The following C8orf76 variants were observed in gnomAD, a reference collection of about 807,000 sequenced individuals.
C8orf76 encodes chromosome 8 open reading frame 76.
C8orf76 carries 46 observed loss-of-function variants against 38.1 expected under a neutral mutation model. The observed-to-expected ratio is 1.21, with a 90% confidence interval of 0.95 to 1.54. The LOEUF (loss-of-function observed/expected upper bound fraction) is 1.54. Ranked by LOEUF, C8orf76 falls within the 40% of genes most tolerant of loss-of-function variation. The pLI is 0.00. For synonymous variants in C8orf76, 166 were observed against 167.5 expected, an observed-to-expected ratio of 0.99 and a Z score of 0.07; for missense variants, 461 against 441.6, an observed-to-expected ratio of 1.04 and a Z score of -0.39.
chr8:123,226,662 C>G, intron 4 of C8orf76, 30 bp from the exon 5 acceptor site: 1 of 1,571,172 alleles, frequency 6.4e-7, no homozygotes, highest in Non-Finnish European at 8.6e-7. Flanking sequence ...CAATGCGTGG[C>G]GAAAAGTCCC....
intron 5 of C8orf76, among the ~76,000 whole-genome samples, chr8:123,221,226 A>G (rs1374357889): frequency 1.3e-5 from 2 of 152,238 alleles, no homozygotes; most frequent in East Asian, 1.9e-4. Context: ...GGCAACAGTC[A>G]GTATTTACTA....
Position 123,237,900 on chromosome 8 carries a change from T to G in C8orf76, c.255A>C (p.Ser85=). 2 of 1,614,058 alleles carry G rather than the reference T, an allele frequency of 1.2e-6. No homozygotes were observed. Among genetic ancestry groups the G allele is most frequent in the Admixed American group, 1.7e-5 (1 of 60,006 alleles). ...QEYSSISEKL[S]STNFAMKRDV... Reference sequence around the variant, plus strand: ...CCCTTTTCATGGCAAAATTGGTTGATGACAATTTTTCAGAGATACTGGAAT... The same window carrying G: ...CCCTTTTCATGGCAAAATTGGTTGAGGACAATTTTTCAGAGATACTGGAAT... The change falls in exon 3 of 6, where the codon TCA becomes TCC. Residue 85 remains serine, a synonymous_variant. Transcript: ENST00000276704.
chr8:123,240,116 C>T (rs1469128072), intron 1 of C8orf76: 1 of 152,706 alleles, frequency 6.5e-6, no homozygotes, highest in African/African-American at 2.4e-5. Flanking sequence ...CCCACGATAA[C>T]TCTGTGAGCC....
At chr8:123,222,301 T>C (rs1409163411) in intron 5 of C8orf76, among the ~76,000 whole-genome samples, 1 of 152,258 alleles carries the variant, frequency 6.6e-6, no homozygotes, top group African/African-American at 2.4e-5. Flanking sequence ...TATTTTTCTT[T>C]TAGTGACACA....
intron 3 of C8orf76, 43 bp downstream of exon 3, chr8:123,237,755 C>T: frequency 1.9e-6 from 3 of 1,596,826 alleles, no homozygotes; most frequent in Non-Finnish European, 8.5e-7. Context: ...ATTCGACCAC[C>T]CTTATAGGAA....
chr8:123,234,169 T>G (rs1825377789), intron 3 of C8orf76, among the ~76,000 whole-genome samples: 1 of 152,222 alleles, frequency 6.6e-6, no homozygotes, highest in Non-Finnish European at 1.5e-5. Flanking sequence ...AGTGTTTTCC[T>G]CATTTAATCC....
At chr8:123,238,584 A>G (rs1387811162) in intron 2 of C8orf76, 1 of 157,756 alleles carries the variant, frequency 6.3e-6, no homozygotes, top group Non-Finnish European at 1.4e-5. Context: ...CAAATATACT[A>G]GGCTTTGAAT....
chr8:123,238,037 TA>T, intron 2 of C8orf76, 96 bp from the exon 3 acceptor site: 1 of 1,386,302 alleles, frequency 7.2e-7, no homozygotes, highest in Non-Finnish European at 9.7e-7. Context: ...AGGTGGAAAG[TA>T]ATGTTATAAC....
At position 123,231,658 on chromosome 8, in the gene C8orf76, G is replaced by A; in HGVS notation, c.457C>T (p.Leu153=). ...LQNLEKTIFC[L]QKLISLHPFN... Reference sequence around the variant, plus strand: ...GGATGCAAAGAAATCAGTTTCTGCAGGCAGAAAATTGTTTTCTCCAAGTTC... The same window carrying A: ...GGATGCAAAGAAATCAGTTTCTGCAAGCAGAAAATTGTTTTCTCCAAGTTC... Residue 153 remains leucine, a synonymous_variant, in exon 4 of 6, where the codon CTG becomes TTG. Coordinates refer to ENST00000276704, the MANE Select transcript of C8orf76 (RefSeq NM_032847.3). 1 of 1,614,086 alleles carries A rather than the reference G, an allele frequency of 6.2e-7. No individual in the cohort carries two copies. The highest frequency in any genetic ancestry group is 8.5e-7 in the Non-Finnish European group (1 of 1,180,042).
intron 2 of C8orf76, 39 bp from the exon 3 acceptor site, chr8:123,237,980 A>C: frequency 1.3e-6 from 2 of 1,590,706 alleles, no homozygotes; most frequent in South Asian, 1.1e-5. Flanking sequence ...GAAAGGAGGA[A>C]AACATAACAG....
intron 5 of C8orf76, 147 bp downstream of exon 5, chr8:123,226,353 G>A: frequency 6.7e-7 from 1 of 1,482,224 alleles, no homozygotes; most frequent in Non-Finnish European, 8.9e-7. Flanking sequence ...CCGCCTTGGT[G>A]ATTGCTGAGT....
intron 4 of C8orf76, 111 bp downstream of exon 4, chr8:123,231,189 A>T: frequency 7.3e-7 from 1 of 1,368,834 alleles, no homozygotes; most frequent in Non-Finnish European, 9.7e-7. Flanking sequence ...GGAAAATTTC[A>T]AAAATATATA....
chr8:123,237,789 A>G lies in C8orf76; in HGVS notation c.357+9T>C, dbSNP rs373385614. On this transcript the variant is annotated intron_variant, in intron 3 of 5. Transcript: ENST00000276704. ...AATGTGTGTGAAAATAAGCAATAAA[A>G]TCACTCACCAAGTTTGCAGCAATCT... The G allele has an allele frequency of 6.2e-7, 1 of 1,608,120 alleles. No homozygotes were observed. Among genetic ancestry groups the G allele is most frequent in the Non-Finnish European group, 8.5e-7 (1 of 1,178,128 alleles).
In C8orf76 at chr8:123,241,350, G is replaced by C; in HGVS notation, c.-4C>G. ...ACAACCAGCACCCGGAATCCATCTC[G>C]CGCCCGCGGCGGGGGCAACGAGGAA... is the stretch of plus-strand genomic sequence containing the variant. On this transcript the variant is annotated 5_prime_UTR_variant, in exon 1 of 6. Transcript: ENST00000276704. 1 of 1,553,284 alleles carries C rather than the reference G, an allele frequency of 6.4e-7. No homozygotes were observed. The highest frequency in any genetic ancestry group is 8.6e-7 in the Non-Finnish European group (1 of 1,158,094).
chr8:123,220,624 T>C lies in C8orf76; in HGVS notation c.949-327A>G, dbSNP rs112563096. Among the ~76,000 whole-genome samples the C allele has an allele frequency of 1.6e-3, 246 of 152,310 alleles. 1 individual carries two copies. Among genetic ancestry groups the C allele is most frequent in the African/African-American group, 5.8e-3 (242 of 41,566 alleles). ...GTACTATTTGGCTTACCAGGAGTAC[T>C]GAGTTACCCTTTTTGTTTCAAAGAG... On this transcript the variant is annotated intron_variant, in intron 5 of 5. Transcript: ENST00000276704.
At chr8:123,236,717 G>C (rs1334834577) in intron 3 of C8orf76, 1 of 389,558 alleles carries the variant, frequency 2.6e-6, no homozygotes, top group Non-Finnish European at 4.8e-6. Context: ...CCGGGAGGCG[G>C]AGGTTGCGGC....
At position 123,241,266 on chromosome 8, in the gene C8orf76, C is replaced by T. The variant is rs1323223903; in HGVS notation, c.81G>A (p.Pro27=). The change falls in exon 1 of 6, where the codon CCG becomes CCA. Residue 27 remains proline, a synonymous_variant. Transcript: ENST00000276704. ...FEERPERRSG[P]PASYCAKLCE... ...AGAGCTTGGCGCAGTAGGACGCGGG[C>T]GGTCCTGACCGCCGCTCCGGCCTCT... The T allele has an allele frequency of 1.3e-6, 2 of 1,583,662 alleles. No individual in the cohort carries two copies. The highest frequency in any genetic ancestry group is 1.7e-6 in the Non-Finnish European group (2 of 1,169,406).
chr8:123,236,677 A>G lies in C8orf76; in HGVS notation c.357+1121T>C, dbSNP rs189240569. 7.7e-3 allele frequency among the ~76,000 whole-genome samples: 1,166 copies of G among 151,798 alleles called. 14 individuals carry two copies. The highest frequency in any genetic ancestry group is 0.027 in the African/African-American group (1,101 of 41,364). On this transcript the variant is annotated intron_variant, in intron 3 of 5. Coordinates refer to ENST00000276704, the MANE Select transcript of C8orf76 (RefSeq NM_032847.3). The stretch of plus-strand genomic sequence containing the variant: ...TGCATGCCTGTAATCCTAGCTACTC[A>G]GGAGGCTGAGGCAGGAGAATCGTTT...
At chr8:123,226,429 A>T in intron 5 of C8orf76, 71 bp downstream of exon 5, 1 of 1,583,718 alleles carries the variant, frequency 6.3e-7, no homozygotes, top group Non-Finnish European at 8.5e-7. Context: ...CTGCTTTATA[A>T]AAAATGCTAT....
Sources: gnomAD v4.1 joint callset for allele counts (sites outside exome capture counted in the v4.1 genomes callset) on GRCh38, gnomAD v4.1.1 for gene constraint, MANE v1.5 for transcripts, NCBI Gene and HGNC (gene_info 2026-07-23, HGNC 2026-07-21) for gene names.